The following DNAJC1 variants were observed in gnomAD, a reference collection of about 807,000 sequenced individuals.
DNAJC1 encodes the protein dnaJ homolog subfamily C member 1.
DNAJC1 carries 58 observed loss-of-function variants against 76.6 expected under a neutral mutation model. That is an observed-to-expected ratio of 0.76 (90% CI 0.61 to 0.94). The LOEUF (loss-of-function observed/expected upper bound fraction) is 0.94, where lower values mean the gene tolerates loss of function less well. DNAJC1 is among the 40% of genes least tolerant of loss of function. DNAJC1 has a pLI of 0.00. For missense variants in DNAJC1, 689 were observed against 677.3 expected, an observed-to-expected ratio of 1.02 and a Z score of -0.19; for synonymous variants, 258 against 267.9, an observed-to-expected ratio of 0.96 and a Z score of 0.36.
At chr10:21,824,599 G>A (rs1459980908) in intron 8 of DNAJC1, among the ~76,000 whole-genome samples, 1 of 152,160 alleles carries the variant, frequency 6.6e-6, no homozygotes, top group African/African-American at 2.4e-5. Flanking sequence ...GAGATGGACG[G>A]TGATGGAAGT....
At chr10:21,946,498 T>TA (rs1211204011) in intron 1 of DNAJC1, among the ~76,000 whole-genome samples, 4 of 152,038 alleles carry the variant, frequency 2.6e-5, no homozygotes, top group Non-Finnish European at 5.9e-5. Context: ...TTTATTTTTA[T>TA]AAAAAAGATA....
chr10:22,002,576 G>A (rs1838537706), intron 1 of DNAJC1, among the ~76,000 whole-genome samples: 1 of 152,230 alleles, frequency 6.6e-6, no homozygotes, highest in Non-Finnish European at 1.5e-5. Context: ...CTCCAACCTG[G>A]TTAGACGCTT....
At chr10:21,963,406 T>C (rs1406693802) in intron 1 of DNAJC1, among the ~76,000 whole-genome samples, 2 of 152,214 alleles carry the variant, frequency 1.3e-5, no homozygotes, top group East Asian at 3.8e-4. Flanking sequence ...TAAAAGATTA[T>C]AAAAAGGCAT....
intron 9 of DNAJC1, among the ~76,000 whole-genome samples, chr10:21,794,872 T>C (rs1487636455): frequency 6.6e-6 from 1 of 152,178 alleles, no homozygotes; most frequent in African/African-American, 2.4e-5. Flanking sequence ...TTCTCCAAAA[T>C]GCTTGTGACC....
At chr10:21,824,476 G>A (rs1193561123) in intron 8 of DNAJC1, among the ~76,000 whole-genome samples, 5 of 152,188 alleles carry the variant, frequency 3.3e-5, no homozygotes, top group African/African-American at 7.2e-5. Flanking sequence ...ATACATTTGA[G>A]TACACGAAGT....
intron 9 of DNAJC1, among the ~76,000 whole-genome samples, chr10:21,780,193 T>G (rs1182158815): frequency 6.6e-6 from 1 of 152,166 alleles, no homozygotes; most frequent in Non-Finnish European, 1.5e-5. Flanking sequence ...CCAGGAGAAC[T>G]TCCCCAACCT....
At chr10:21,955,167 T>C (rs1312566034) in intron 1 of DNAJC1, among the ~76,000 whole-genome samples, 2 of 152,196 alleles carry the variant, frequency 1.3e-5, no homozygotes, top group African/African-American at 4.8e-5. Flanking sequence ...GAATCACTGA[T>C]ATAAAATAAA....
chr10:21,802,319 G>C (rs1834822609), intron 9 of DNAJC1, among the ~76,000 whole-genome samples: 1 of 152,016 alleles, frequency 6.6e-6, no homozygotes, highest in Non-Finnish European at 1.5e-5. Flanking sequence ...GACTCTAAAA[G>C]TAATAACAAT....
At chr10:21,773,230 T>C (rs1402984479) in intron 9 of DNAJC1, among the ~76,000 whole-genome samples, 3 of 152,248 alleles carry the variant, frequency 2.0e-5, no homozygotes, top group Non-Finnish European at 4.4e-5. Flanking sequence ...AGGTTAATGA[T>C]TTGAGATCTT....
At chr10:21,866,592 C>T (rs748242922) in intron 8 of DNAJC1, among the ~76,000 whole-genome samples, 1 of 152,054 alleles carries the variant, frequency 6.6e-6, no homozygotes, top group African/African-American at 2.4e-5. Flanking sequence ...ATTATCTCAA[C>T]AGGTTTTTAA....
At chr10:21,925,557 T>C (rs577206129) in intron 3 of DNAJC1, among the ~76,000 whole-genome samples, 30 of 152,236 alleles carry the variant, frequency 2.0e-4, no homozygotes, top group Non-Finnish European at 2.6e-4. Context: ...AACTGGTGAA[T>C]AGATAAACGT....
chr10:21,990,984 G>C (rs886366478), intron 1 of DNAJC1, among the ~76,000 whole-genome samples: 12 of 152,124 alleles, frequency 7.9e-5, no homozygotes, highest in African/African-American at 2.7e-4. Context: ...AGGTAGCAGA[G>C]GCAGCTAGTA....
At chr10:21,785,209 C>T (rs1272030777) in intron 9 of DNAJC1, 4 of 152,222 alleles carry the variant, frequency 2.6e-5, no homozygotes, top group Non-Finnish European at 5.9e-5. Context: ...CAATTCTATC[C>T]TCTTAAGCTG....
chr10:21,882,283 TG>T lies in DNAJC1; in HGVS notation c.976del (p.Gln326ArgfsTer13), dbSNP rs1394802700. The T allele has an allele frequency of 6.3e-7, 1 of 1,589,110 alleles. No individual in the cohort carries two copies. Among genetic ancestry groups the T allele is most frequent in the African/African-American group, 1.4e-5 (1 of 73,042 alleles). On this transcript the variant is annotated frameshift_variant and splice_region_variant, in exon 8 of 12. Coordinates refer to ENST00000376980, the MANE Select transcript of DNAJC1 (RefSeq NM_022365.4). LOFTEE classifies it high-confidence loss of function. ...ACAAGTTTTATAAAGCTTATTTACC[TG>T]TTTTTTCTGTGTTCGGTTCCTGTTT... ...LENRNRTQKKQAPEWTEEDLS... is the reference protein window; with the variant it reads ...LENRNRTQKKXAPEWTEEDLS...
At chr10:21,968,990 G>A (rs779377018) in intron 1 of DNAJC1, among the ~76,000 whole-genome samples, 1 of 152,052 alleles carries the variant, frequency 6.6e-6, no homozygotes, top group African/African-American at 2.4e-5. Context: ...GGGCCAGGCT[G>A]AGGTGGACGG....
intron 3 of DNAJC1, among the ~76,000 whole-genome samples, chr10:21,923,306 A>G (rs1837068135): frequency 6.6e-6 from 1 of 151,978 alleles, no homozygotes; most frequent in Non-Finnish European, 1.5e-5. Context: ...TTTAGAATAT[A>G]TGCTGTTAAA....
chr10:21,838,475 A>T (rs1397972054), intron 8 of DNAJC1, among the ~76,000 whole-genome samples: 1 of 152,184 alleles, frequency 6.6e-6, no homozygotes, highest in East Asian at 1.9e-4. Flanking sequence ...ACCCAGGGAC[A>T]CAAACACTGC....
At chr10:21,835,142 G>C (rs545503213) in intron 8 of DNAJC1, among the ~76,000 whole-genome samples, 1 of 152,142 alleles carries the variant, frequency 6.6e-6, no homozygotes, top group Non-Finnish European at 1.5e-5. Context: ...CCAGAGGAAC[G>C]ATCAGACAGC....
intron 8 of DNAJC1, among the ~76,000 whole-genome samples, chr10:21,843,233 A>G (rs1835600942): frequency 6.6e-6 from 1 of 152,222 alleles, no homozygotes; most frequent in Non-Finnish European, 1.5e-5. Context: ...ATATATTAGT[A>G]AAATGATCCA....
Sources: gnomAD v4.1 joint callset for allele counts (sites outside exome capture counted in the v4.1 genomes callset) on GRCh38, gnomAD v4.1.1 for gene constraint, MANE v1.5 for transcripts, NCBI Gene and HGNC (gene_info 2026-07-23, HGNC 2026-07-21) for gene names.